Variants in OVCH1 observed in about 807,000 individuals in gnomAD.
OVCH1 encodes ovochymase 1.
A neutral mutation model predicts 138.4 loss-of-function variants in OVCH1; 139 were observed. The observed-to-expected ratio is 1.00, with a 90% CI of 0.87 to 1.16. The LOEUF (loss-of-function observed/expected upper bound fraction) is 1.16. Ranked by LOEUF, OVCH1 falls within the 50% of genes most tolerant of loss-of-function variation. OVCH1 has a pLI of 0.00. For missense variants in OVCH1, 1,367 were observed against 1,357.9 expected (o/e 1.01, Z -0.11); for synonymous variants, 453 against 467.8 (o/e 0.97, Z 0.41).
chr12:29,458,834 A>G (rs758552087), intron 19 of OVCH1, among the ~76,000 whole-genome samples: 3 of 152,232 alleles, frequency 2.0e-5, no homozygotes, highest in Non-Finnish European at 4.4e-5. Flanking sequence ...AAAAGATCTG[A>G]ATAGATATTT....
intron 26 of OVCH1, among the ~76,000 whole-genome samples, chr12:29,434,716 C>A (rs1352690469): frequency 2.0e-5 from 3 of 151,124 alleles, no homozygotes; most frequent in South Asian, 2.1e-4. Context: ...TCCCCAACAA[C>A]AAAAAAAAAC....
At chr12:29,478,887 A>T (rs749849824) in exon 9 of OVCH1, 14 of 1,587,256 alleles carry the variant, frequency 8.8e-6, no homozygotes, top group Non-Finnish European at 1.1e-5. Flanking sequence ...GATCACATCC[A>T]ACTTGCTTTT....
chr12:29,472,925 C>T (rs1942563705), intron 15 of OVCH1, 104 bp downstream of exon 15: 5 of 961,666 alleles, frequency 5.2e-6, no homozygotes, highest in Non-Finnish European at 7.8e-6. Flanking sequence ...CATTCTTCTT[C>T]ACTGTGGAGT....
downstream of OVCH1, among the ~76,000 whole-genome samples, chr12:29,407,548 A>G (rs577677175): frequency 4.2e-3 from 625 of 150,122 alleles, 5 homozygotes; most frequent in African/African-American, 0.014. Context: ...TCCCAGCACC[A>G]TTTATTAAAT....
At chr12:29,462,898 G>A (rs1942187656) in intron 18 of OVCH1, among the ~76,000 whole-genome samples, 1 of 152,012 alleles carries the variant, frequency 6.6e-6, no homozygotes, top group Admixed American at 6.6e-5. Flanking sequence ...CCTCTTCTTG[G>A]GGACCATCTC....
intron 21 of OVCH1, among the ~76,000 whole-genome samples, chr12:29,454,067 A>C (rs1329548613): frequency 1.3e-5 from 2 of 152,096 alleles, no homozygotes; most frequent in African/African-American, 4.8e-5. Context: ...ATCTCCATCT[A>C]TTCCCAAACA....
intron 23 of OVCH1, 132 bp from the exon 24 acceptor site, chr12:29,444,412 G>T: frequency 9.8e-7 from 1 of 1,021,632 alleles, no homozygotes; most frequent in Non-Finnish European, 1.4e-6. Flanking sequence ...ATTAGGAGGT[G>T]GTTGGTTTCA....
exon 26 of OVCH1, chr12:29,439,356 T>A: frequency 6.3e-7 from 1 of 1,581,380 alleles, no homozygotes; most frequent in Non-Finnish European, 8.6e-7. Flanking sequence ...ATGCATGATA[T>A]ATGTGTTAAT....
chr12:29,489,929 T>C (rs1285603213), intron 5 of OVCH1, among the ~76,000 whole-genome samples, 158 bp from the exon 6 acceptor site: 1 of 152,234 alleles, frequency 6.6e-6, no homozygotes, highest in Non-Finnish European at 1.5e-5. Flanking sequence ...AAATCAGATA[T>C]GTGGCAGAGG....
chr12:29,431,059 A>T (rs1941259078), intron 27 of OVCH1, among the ~76,000 whole-genome samples: 1 of 152,226 alleles, frequency 6.6e-6, no homozygotes, highest in Non-Finnish European at 1.5e-5. Context: ...TTAAACTTTT[A>T]TAACATATTT....
chr12:29,438,243 A>G (rs1280867128), intron 26 of OVCH1, among the ~76,000 whole-genome samples: 1 of 152,132 alleles, frequency 6.6e-6, no homozygotes, highest in Non-Finnish European at 1.5e-5. Context: ...TGCCAAATTA[A>G]CCACATAAAA....
At chr12:29,420,853 G>T (rs1941093557) in intron 3 of OVCH1, among the ~76,000 whole-genome samples, 1 of 152,258 alleles carries the variant, frequency 6.6e-6, no homozygotes, top group Non-Finnish European at 1.5e-5. Flanking sequence ...TTAGTGGTAT[G>T]TGTATTGTTG....
exon 22 of OVCH1, chr12:29,451,351 T>C: frequency 1.2e-6 from 2 of 1,611,778 alleles, no homozygotes; most frequent in Non-Finnish European, 1.7e-6. Flanking sequence ...TTACCTGCCG[T>C]CTTTCTCTTA....
chr12:29,488,082 G>A (rs564446807), intron 6 of OVCH1, among the ~76,000 whole-genome samples, 200 bp from the exon 7 acceptor site: 2 of 152,066 alleles, frequency 1.3e-5, no homozygotes, highest in East Asian at 1.9e-4. Context: ...TTTTCATGAA[G>A]ATAAAATCTC....
the OVCH1 span, among the ~76,000 whole-genome samples, chr12:29,406,260 A>G: frequency 1.3e-5 from 2 of 152,220 alleles, no homozygotes; most frequent in African/African-American, 4.8e-5. Context: ...ACTGGTATTC[A>G]TGAATATAAT....
At chr12:29,404,819 G>A in the OVCH1 span, among the ~76,000 whole-genome samples, 2 of 151,788 alleles carry the variant, frequency 1.3e-5, no homozygotes, top group Admixed American at 1.3e-4. Flanking sequence ...TCAGAAGTTC[G>A]AGACCAGTCT....
chr12:29,435,702 C>T (rs564792957), intron 26 of OVCH1, among the ~76,000 whole-genome samples: 36 of 152,100 alleles, frequency 2.4e-4, no homozygotes, highest in Non-Finnish European at 5.1e-4. Flanking sequence ...CCTTCAACCT[C>T]CCACTACCCT....
chr12:29,457,570 A>T (rs944951908), intron 19 of OVCH1, among the ~76,000 whole-genome samples: 1 of 151,206 alleles, frequency 6.6e-6, no homozygotes, highest in Non-Finnish European at 1.5e-5. Flanking sequence ...AGCCCGGCTA[A>T]TTTTTTGTAT....
intron 18 of OVCH1, among the ~76,000 whole-genome samples, chr12:29,463,874 A>G (rs1361432296): frequency 6.6e-6 from 1 of 152,184 alleles, no homozygotes; most frequent in African/African-American, 2.4e-5. Flanking sequence ...GAAATATACA[A>G]AGAAAATGAT....
Sources: gnomAD v4.1 joint callset for allele counts (sites outside exome capture counted in the v4.1 genomes callset) on GRCh38, gnomAD v4.1.1 for gene constraint, MANE v1.5 for transcripts, NCBI Gene and HGNC (gene_info 2026-07-23, HGNC 2026-07-21) for gene names.